NRXN3: variants seen among roughly 807,000 people sequenced by gnomAD.
NRXN3 encodes neurexin 3.
In NRXN3, 32 loss-of-function variants were observed where a neutral mutation model predicts 137.6. The observed-to-expected ratio is 0.23, with a 90% CI of 0.18 to 0.31. The LOEUF (loss-of-function observed/expected upper bound fraction) is 0.31. NRXN3 is among the 10% of genes least tolerant of loss of function. The probability of loss-of-function intolerance (pLI) is 1.00; values close to 1 mark genes in which losing one functional copy is unlikely to be tolerated. For missense variants in NRXN3, 1,574 were observed against 2,062.5 expected (o/e 0.76, Z 4.59); for synonymous variants, 798 against 784.5 (o/e 1.02, Z -0.29).
intron 4 of NRXN3, among the ~76,000 whole-genome samples, chr14:78,386,376 G>A (rs2089978202): frequency 6.6e-6 from 1 of 152,170 alleles, no homozygotes; most frequent in South Asian, 2.1e-4. Context: ...GGTAGTCAGA[G>A]GCAGATGGCT....
At chr14:79,329,111 A>G (rs1264909716) in intron 15 of NRXN3, among the ~76,000 whole-genome samples, 2 of 152,178 alleles carry the variant, frequency 1.3e-5, no homozygotes, top group African/African-American at 2.4e-5. Flanking sequence ...AATGGAAAAC[A>G]TGTTCTTTAA....
intron 15 of NRXN3, among the ~76,000 whole-genome samples, chr14:79,197,442 T>G (rs2065280315): frequency 6.6e-6 from 1 of 152,192 alleles, no homozygotes; most frequent in Non-Finnish European, 1.5e-5. Context: ...AACAAGAGTC[T>G]TAGTAAATTG....
intron 2 of NRXN3, among the ~76,000 whole-genome samples, chr14:78,266,281 TCTTA>T (rs1262461669): frequency 6.6e-6 from 1 of 152,126 alleles, no homozygotes; most frequent in African/African-American, 2.4e-5. Flanking sequence ...CTCTCTCTCC[TCTTA>T]CTTAATCTGT....
At chr14:78,268,508 C>T (rs1041310071) in intron 2 of NRXN3, among the ~76,000 whole-genome samples, 4 of 152,118 alleles carry the variant, frequency 2.6e-5, no homozygotes, top group South Asian at 2.1e-4. Context: ...GTGGTCTCAG[C>T]GAGCACACAC....
intron 2 of NRXN3, among the ~76,000 whole-genome samples, chr14:78,260,393 A>G (rs2070486152): frequency 6.6e-6 from 1 of 152,188 alleles, no homozygotes; most frequent in African/African-American, 2.4e-5. Context: ...TTGGCTGAGG[A>G]CCACAAATGA....
intron 4 of NRXN3, among the ~76,000 whole-genome samples, chr14:78,534,087 C>T (rs1015688866): frequency 7.2e-5 from 11 of 152,152 alleles, no homozygotes; most frequent in African/African-American, 2.4e-4. Context: ...AAAGTTTTAA[C>T]GATAGCTTTT....
intron 15 of NRXN3, among the ~76,000 whole-genome samples, chr14:79,189,444 G>A (rs1020994262): frequency 5.9e-5 from 9 of 151,392 alleles, no homozygotes. Flanking sequence ...GCTAAATGGC[G>A]AGTTAATGGG....
At chr14:79,653,837 A>G (rs2098489896) in intron 16 of NRXN3, among the ~76,000 whole-genome samples, 1 of 152,194 alleles carries the variant, frequency 6.6e-6, no homozygotes, top group African/African-American at 2.4e-5. Flanking sequence ...TATAGGCAGT[A>G]AAGGACAGCA....
At chr14:79,468,677 T>G (rs998696513) in intron 16 of NRXN3, among the ~76,000 whole-genome samples, 1 of 152,146 alleles carries the variant, frequency 6.6e-6, no homozygotes, top group Non-Finnish European at 1.5e-5. Flanking sequence ...CCCACAGCAG[T>G]GCGCATGTCT....
At chr14:79,075,289 C>G (rs2045779611) in intron 15 of NRXN3, among the ~76,000 whole-genome samples, 1 of 152,198 alleles carries the variant, frequency 6.6e-6, no homozygotes, top group South Asian at 2.1e-4. Context: ...GGAGATGGAG[C>G]TGAGGACTCC....
intron 2 of NRXN3, among the ~76,000 whole-genome samples, chr14:78,255,053 T>A (rs1166547584): frequency 6.6e-6 from 1 of 151,762 alleles, no homozygotes; most frequent in Non-Finnish European, 1.5e-5. Flanking sequence ...TGCTCTCACA[T>A]TGGCATAGAC....
chr14:78,841,987 A>T (rs1247297952), intron 10 of NRXN3, among the ~76,000 whole-genome samples: 1 of 152,146 alleles, frequency 6.6e-6, no homozygotes, highest in Non-Finnish European at 1.5e-5. Context: ...AGTACTTACG[A>T]TACTGCCTGA....
chr14:78,308,011 C>G (rs4903744), intron 4 of NRXN3, among the ~76,000 whole-genome samples: 55,009 of 151,942 alleles, frequency 0.36, 10,982 homozygotes, highest in African/African-American at 0.54. Flanking sequence ...AAGTGCTTCC[C>G]TGCAGGTTGG....
chr14:78,723,961 C>T (rs1293971994), intron 8 of NRXN3, among the ~76,000 whole-genome samples: 2 of 152,116 alleles, frequency 1.3e-5, no homozygotes, highest in African/African-American at 4.8e-5. Context: ...AAATGTGACT[C>T]TTTTGTAATC....
At chr14:78,448,404 C>A (rs2094472341) in intron 4 of NRXN3, among the ~76,000 whole-genome samples, 1 of 152,156 alleles carries the variant, frequency 6.6e-6, no homozygotes, top group African/African-American at 2.4e-5. Context: ...TGGGTACTTG[C>A]ATATGCATTA....
chr14:78,512,676 A>C (rs919912610), intron 4 of NRXN3, among the ~76,000 whole-genome samples: 1 of 152,168 alleles, frequency 6.6e-6, no homozygotes, highest in Non-Finnish European at 1.5e-5. Context: ...TGTTTCTCAC[A>C]GGAAGATAGA....
At chr14:78,631,159 A>G (rs61976113) in intron 4 of NRXN3, among the ~76,000 whole-genome samples, 9,277 of 152,258 alleles carry the variant, frequency 0.061, 342 homozygotes, top group Middle Eastern at 0.15. Context: ...GGTTCATTTA[A>G]CATCCTCTTA....
intron 4 of NRXN3, among the ~76,000 whole-genome samples, chr14:78,366,748 G>A (rs1339704555): frequency 1.3e-5 from 2 of 152,164 alleles, no homozygotes; most frequent in Non-Finnish European, 2.9e-5. Context: ...CATGAGAACA[G>A]CATGGAAAAG....
intron 2 of NRXN3, among the ~76,000 whole-genome samples, chr14:78,278,019 C>T (rs980208642): frequency 2.0e-5 from 3 of 152,222 alleles, no homozygotes; most frequent in Non-Finnish European, 4.4e-5. Flanking sequence ...CACACAATCT[C>T]ATGCACACAC....
Sources: gnomAD v4.1 joint callset for allele counts (sites outside exome capture counted in the v4.1 genomes callset) on GRCh38, gnomAD v4.1.1 for gene constraint, MANE v1.5 for transcripts, NCBI Gene and HGNC (gene_info 2026-07-23, HGNC 2026-07-21) for gene names.